Variants in PHC3 observed in about 807,000 individuals in gnomAD.
PHC3 encodes the protein polyhomeotic-like protein 3.
In PHC3, 13 loss-of-function variants were observed where a neutral mutation model predicts 107.4. That is an observed-to-expected ratio of 0.12 (90% confidence interval 0.08 to 0.19). The LOEUF is 0.19. PHC3 is among the 10% of genes least tolerant of loss of function. The pLI is 1.00. For missense variants in PHC3, 992 were observed against 1,210.9 expected (o/e 0.82, Z 2.68); for synonymous variants, 456 against 427.4 (o/e 1.07, Z -0.83).
At chr3:170,177,520 C>T (rs948127639) in intron 2 of PHC3, among the ~76,000 whole-genome samples, 4 of 152,110 alleles carry the variant, frequency 2.6e-5, no homozygotes, top group African/African-American at 9.7e-5. Context: ...GTATGCATTA[C>T]CATGCCTGGC....
chr3:170,119,830 T>TAAAAA (rs577407226), intron 9 of PHC3, among the ~76,000 whole-genome samples: 1 of 144,450 alleles, frequency 6.9e-6, no homozygotes, highest in Admixed American at 6.9e-5. Flanking sequence ...TGAGTTACTG[T>TAAAAA]AAAAAAAAAA....
At chr3:170,170,216 G>A (rs538720071) in intron 4 of PHC3, 1 of 151,950 alleles carries the variant, frequency 6.6e-6, no homozygotes, top group African/African-American at 2.4e-5. Flanking sequence ...TATTGTATTG[G>A]AGCCAATTTT....
Position 170,129,573 on chromosome 3 carries a change from A to C in PHC3, c.920-21T>G, listed in dbSNP as rs757951273. 7 of 1,587,136 alleles carry C rather than the reference A, an allele frequency of 4.4e-6. No homozygotes were observed. The Admixed American group carries it at 1.1e-4, about 24-fold the overall frequency. ...TGAAGCTGTGAGAGAAAAAAATGAC[A>C]ATTAGTACTGATTTCAAAAATACAG... On this transcript the variant is annotated intron_variant, in intron 7 of 14. Transcript: ENST00000495893.
intron 14 of PHC3, 132 bp downstream of exon 14, chr3:170,102,347 C>A: frequency 6.9e-7 from 1 of 1,456,518 alleles, no homozygotes; most frequent in South Asian, 1.5e-5. Context: ...ATTTCAATAA[C>A]AAATGTCATT....
At position 170,129,385 on chromosome 3, in the gene PHC3, G is replaced by C. The variant is rs2108466996; in HGVS notation, c.1087C>G (p.His363Asp). Reference protein sequence around the residue: ...NSTQDPPPSQHCIPLQNHGLP... With the variant: ...NSTQDPPPSQDCIPLQNHGLP... ...CCATGGTTCTGGAGTGGTATACAGTGCTGGGATGGGGGTGGGTCTTGAGTT... is the reference window on the plus strand; with the variant it reads ...CCATGGTTCTGGAGTGGTATACAGTCCTGGGATGGGGGTGGGTCTTGAGTT... The change falls in exon 8 of 15, where the codon CAC becomes GAC. Residue 363 changes from histidine (H) to aspartate (D), a missense_variant. His to Asp is a moderately conservative substitution (Grantham distance 81, BLOSUM62 -1). Around this residue, in one of 6 missense-constraint regions of PHC3, gnomAD observed 543 missense variants for 590.8 expected, o/e 0.92. Coordinates refer to ENST00000495893, the MANE Select transcript of PHC3 (RefSeq NM_024947.4). 5 of 1,613,926 alleles carry C rather than the reference G, an allele frequency of 3.1e-6. No individual in the cohort carries two copies. The East Asian group carries it at 1.1e-4, about 36-fold the overall frequency.
intron 7 of PHC3, 171 bp downstream of exon 7, chr3:170,136,248 T>C: frequency 2.9e-6 from 2 of 698,690 alleles, no homozygotes; most frequent in South Asian, 4.4e-5. Flanking sequence ...TTTTATCTTT[T>C]GGGCTTTTTT....
rs1401735858 is a variant in PHC3 at position 170,146,498 on chromosome 3, T to C, written c.574-977A>G. Among the ~76,000 whole-genome samples the C allele has an allele frequency of 2.6e-5, 4 of 151,756 alleles. No individual in the cohort carries two copies. The East Asian group carries it at 7.7e-4, about 29-fold the overall frequency. On this transcript the variant is annotated intron_variant, in intron 5 of 14. Coordinates refer to ENST00000495893, the MANE Select transcript of PHC3 (RefSeq NM_024947.4). The stretch of plus-strand genomic sequence containing the variant: ...TCAAAAAACAAAGACATTTAATTTT[T>C]TTACTTATCACTTTCCTTTTTTTTC...
chr3:170,143,187 A>G (rs1724381950), intron 6 of PHC3, among the ~76,000 whole-genome samples: 1 of 152,238 alleles, frequency 6.6e-6, no homozygotes, highest in Non-Finnish European at 1.5e-5. Flanking sequence ...CAAAAATTAA[A>G]TAACTAAATA....
intron 4 of PHC3, among the ~76,000 whole-genome samples, chr3:170,151,482 C>T (rs1725959584): frequency 6.6e-6 from 1 of 152,064 alleles, no homozygotes; most frequent in Non-Finnish European, 1.5e-5. Context: ...AAAGGAAATT[C>T]CTGGTGCCAG....
intron 1 of PHC3, among the ~76,000 whole-genome samples, chr3:170,181,117 T>C (rs1376864718): frequency 3.9e-5 from 6 of 152,182 alleles, no homozygotes; most frequent in Non-Finnish European, 7.3e-5. Flanking sequence ...AAGACCTTTC[T>C]TTCAGGGTGT....
chr3:170,128,491 G>T, intron 8 of PHC3, 193 bp downstream of exon 8: 1 of 1,133,656 alleles, frequency 8.8e-7, no homozygotes, highest in Non-Finnish European at 1.2e-6. Context: ...TATAAAGCAT[G>T]CAACCACACT....
intron 12 of PHC3, among the ~76,000 whole-genome samples, chr3:170,103,158 G>A (rs1027512536): frequency 1.3e-5 from 2 of 152,018 alleles, no homozygotes; most frequent in Non-Finnish European, 2.9e-5. Context: ...ATATAATACT[G>A]GACATCTATA....
chr3:170,180,263 T>C lies in PHC3; in HGVS notation c.15-1325A>G, dbSNP rs576469503. Reference sequence around the variant, plus strand: ...GCGTTCAAAGCCAGCCTGGGCAACATAGGGAAACCCTGTCTCTACAAATGA... The same window carrying C: ...GCGTTCAAAGCCAGCCTGGGCAACACAGGGAAACCCTGTCTCTACAAATGA... On this transcript the variant is annotated intron_variant, in intron 1 of 14. Transcript: ENST00000495893. Among the ~76,000 whole-genome samples, 7 of 151,410 alleles carry C rather than the reference T, an allele frequency of 4.6e-5. No individual in the cohort carries two copies. The South Asian group carries it at 6.2e-4, about 13-fold the overall frequency.
chr3:170,105,836 A>C (rs1430830455), intron 12 of PHC3, among the ~76,000 whole-genome samples: 1 of 152,212 alleles, frequency 6.6e-6, no homozygotes, highest in African/African-American at 2.4e-5. Context: ...TTATTACTGG[A>C]ATTAGGGTGG....
intron 4 of PHC3, among the ~76,000 whole-genome samples, chr3:170,153,967 T>C (rs1344663285): frequency 6.6e-6 from 1 of 152,114 alleles, no homozygotes; most frequent in Non-Finnish European, 1.5e-5. Flanking sequence ...TCCCAGCCCA[T>C]CTGCAGCTAC....
chr3:170,133,307 T>C (rs186161213), intron 7 of PHC3, among the ~76,000 whole-genome samples: 14 of 151,474 alleles, frequency 9.2e-5, no homozygotes, highest in Non-Finnish European at 1.3e-4. Flanking sequence ...GCCTCCAGAG[T>C]AGCTGGAATT....
At chr3:170,174,718 G>T (rs1231596987) in intron 2 of PHC3, among the ~76,000 whole-genome samples, 1 of 152,176 alleles carries the variant, frequency 6.6e-6, no homozygotes, top group Non-Finnish European at 1.5e-5. Context: ...TTATTTTCAT[G>T]TGTTAATATC....
chr3:170,139,794 G>C (rs1279896844), intron 6 of PHC3, among the ~76,000 whole-genome samples: 1 of 152,158 alleles, frequency 6.6e-6, no homozygotes, highest in Non-Finnish European at 1.5e-5. Flanking sequence ...TTAGCTGTTA[G>C]TGAAAAGATA....
chr3:170,158,927 G>GAAAAAA, intron 4 of PHC3, among the ~76,000 whole-genome samples: 1 of 120,338 alleles, frequency 8.3e-6, no homozygotes, highest in East Asian at 2.4e-4. Flanking sequence ...AACCTGTCTT[G>GAAAAAA]AAAAAAAAAA....
Sources: gnomAD v4.1 joint callset for allele counts (sites outside exome capture counted in the v4.1 genomes callset) on GRCh38, gnomAD v4.1.1 for gene constraint, gnomAD v4.1.1 regional missense constraint, MANE v1.5 for transcripts, NCBI Gene and HGNC (gene_info 2026-07-23, HGNC 2026-07-21) for gene names.